The following ADGRL3 variants were observed in gnomAD, a reference collection of about 807,000 sequenced individuals.
ADGRL3 encodes the protein adhesion G protein-coupled receptor L3.
Under a neutral mutation model 153.5 loss-of-function variants are expected in ADGRL3, and 62 were observed. The observed-to-expected ratio is 0.40, with a 90% CI of 0.33 to 0.50. The LOEUF is 0.50. Ranked by LOEUF, ADGRL3 falls within the 20% of genes least tolerant of loss-of-function variation. ADGRL3 has a pLI of 0.47. For missense variants in ADGRL3, 1,641 were observed against 1,859.4 expected (o/e 0.88, Z 2.16); for synonymous variants, 710 against 672.5 (o/e 1.06, Z -0.86).
chr4:61,553,346 G>A lies in ADGRL3; in HGVS notation c.260-33881G>A, dbSNP rs530928026. ...TAAAAAATAATCATAATACAAATAA[G>A]TATAAATAAGCTTTCAATACAGTAG... On this transcript the variant is annotated intron_variant, in intron 4 of 26. Coordinates refer to ENST00000683033, the MANE Select transcript of ADGRL3 (RefSeq NM_001387552.1). Among the ~76,000 whole-genome samples the A allele has an allele frequency of 8.5e-5, 13 of 152,182 alleles. 1 individual carries two copies. In the East Asian group the frequency reaches 1.7e-3, roughly 20 times the overall value.
intron 8 of ADGRL3, among the ~76,000 whole-genome samples, chr4:61,796,141 T>C (rs2097408394): frequency 6.6e-6 from 1 of 152,174 alleles, no homozygotes; most frequent in Non-Finnish European, 1.5e-5. Context: ...CATATCCTAC[T>C]TCTTATACAT....
intron 1 of ADGRL3, among the ~76,000 whole-genome samples, chr4:61,286,749 AT>A (rs995699148): frequency 3.3e-5 from 5 of 151,228 alleles, no homozygotes; most frequent in Non-Finnish European, 5.9e-5. Flanking sequence ...AAAAAACAGT[AT>A]TTTTTTTAGA....
chr4:61,424,204 C>T (rs1010955566), intron 2 of ADGRL3, among the ~76,000 whole-genome samples: 4 of 151,912 alleles, frequency 2.6e-5, no homozygotes, highest in Admixed American at 1.3e-4. Flanking sequence ...GGTGATGAGC[C>T]GACTCATAAC....
At chr4:61,770,147 C>G (rs2097066051) in intron 8 of ADGRL3, among the ~76,000 whole-genome samples, 1 of 152,144 alleles carries the variant, frequency 6.6e-6, no homozygotes, top group Non-Finnish European at 1.5e-5. Context: ...GGTTTATCTC[C>G]ACTTTACATT....
At chr4:61,872,215 GATAA>G (rs1414139114) in intron 9 of ADGRL3, among the ~76,000 whole-genome samples, 1 of 152,112 alleles carries the variant, frequency 6.6e-6, no homozygotes, top group Admixed American at 6.5e-5. Flanking sequence ...CGGATGTGAT[GATAA>G]ATAAGTCAGT....
chr4:61,529,080 T>C (rs2098596120), intron 4 of ADGRL3, among the ~76,000 whole-genome samples: 1 of 152,154 alleles, frequency 6.6e-6, no homozygotes, highest in South Asian at 2.1e-4. Flanking sequence ...AGTGATATGA[T>C]CTGGGCTTTA....
chr4:61,805,432 G>A (rs2097543478), intron 8 of ADGRL3, among the ~76,000 whole-genome samples: 1 of 152,046 alleles, frequency 6.6e-6, no homozygotes, highest in South Asian at 2.1e-4. Flanking sequence ...TGTCCTCTAG[G>A]GAACAAACCT....
chr4:61,831,388 T>G (rs1368924056), intron 9 of ADGRL3, among the ~76,000 whole-genome samples: 1 of 64,668 alleles, frequency 1.5e-5, no homozygotes, highest in Non-Finnish European at 2.9e-5. Flanking sequence ...GTCATGAAGA[T>G]GAAGAAAGGA....
chr4:61,851,789 G>A (rs1054288450), intron 9 of ADGRL3, among the ~76,000 whole-genome samples: 7 of 152,058 alleles, frequency 4.6e-5, no homozygotes, highest in African/African-American at 1.7e-4. Context: ...AACCTCCAGT[G>A]CCATGTGAAA....
intron 1 of ADGRL3, among the ~76,000 whole-genome samples, chr4:61,236,008 C>CTTTTTTTTTTTTT (rs55932029): frequency 1.8e-3 from 169 of 95,878 alleles, no homozygotes; most frequent in East Asian, 4.3e-3. Context: ...CTTTTCTTTT[C>CTTTTTTTTTTTTT]TTTTTTTTTT....
intron 5 of ADGRL3, among the ~76,000 whole-genome samples, chr4:61,630,891 C>T (rs540094558): frequency 1.5e-4 from 23 of 152,218 alleles, no homozygotes; most frequent in African/African-American, 4.6e-4. Context: ...GTATTATGGT[C>T]GAAATAGGAC....
chr4:61,508,692 G>A, intron 3 of ADGRL3, among the ~76,000 whole-genome samples: 1 of 152,084 alleles, frequency 6.6e-6, no homozygotes, highest in East Asian at 1.9e-4. Flanking sequence ...AGGGTAATGA[G>A]CATACTACCC....
At chr4:61,680,892 C>G (rs543341326) in intron 6 of ADGRL3, among the ~76,000 whole-genome samples, 63 of 152,146 alleles carry the variant, frequency 4.1e-4, no homozygotes, top group African/African-American at 1.4e-3. Context: ...GGTTCACAGG[C>G]ACACTTTTCC....
chr4:61,471,492 G>A (rs2097953560), intron 2 of ADGRL3, among the ~76,000 whole-genome samples: 1 of 151,518 alleles, frequency 6.6e-6, no homozygotes, highest in Admixed American at 6.6e-5. Flanking sequence ...GTATATCATA[G>A]TGACATTCTA....
chr4:61,419,005 C>T (rs963659276), intron 2 of ADGRL3, among the ~76,000 whole-genome samples: 2 of 150,028 alleles, frequency 1.3e-5, no homozygotes, highest in South Asian at 4.3e-4. Flanking sequence ...ACTATGGTTT[C>T]AATGACATTG....
intron 15 of ADGRL3, 141 bp from the exon 16 acceptor site, chr4:61,946,773 T>A: frequency 2.9e-6 from 2 of 698,006 alleles, no homozygotes; most frequent in South Asian, 3.6e-5. Flanking sequence ...CCTCTCCTCA[T>A]AAATGACTTG....
At chr4:61,547,771 A>G (rs942192704) in intron 4 of ADGRL3, among the ~76,000 whole-genome samples, 8 of 152,042 alleles carry the variant, frequency 5.3e-5, no homozygotes, top group Admixed American at 2.0e-4. Context: ...TATATACCCT[A>G]TAATAGGGTT....
chr4:61,648,536 G>A (rs867809090), intron 5 of ADGRL3, among the ~76,000 whole-genome samples: 7 of 147,222 alleles, frequency 4.8e-5, no homozygotes, highest in African/African-American at 1.7e-4. Context: ...TTTTTTTTCT[G>A]TTTCTTTTGG....
At chr4:61,867,541 A>ATATATATATATATATATATATATATAT (rs1490365312) in intron 9 of ADGRL3, among the ~76,000 whole-genome samples, 16 of 50,300 alleles carry the variant, frequency 3.2e-4, no homozygotes, top group Non-Finnish European at 5.8e-4. Flanking sequence ...TATATATATA[A>ATATATATATATATATATATATATATAT]TTGTAGGAGA....
Sources: allele counts gnomAD v4.1 joint callset (sites outside exome capture counted in the v4.1 genomes callset), GRCh38; gene constraint gnomAD v4.1.1; transcripts MANE v1.5; gene names NCBI Gene and HGNC (gene_info 2026-07-23, HGNC 2026-07-21).